The following FRK variants were observed in gnomAD, a reference collection of about 807,000 sequenced individuals.
FRK encodes the protein tyrosine-protein kinase FRK.
A neutral mutation model predicts 56.4 loss-of-function variants in FRK; 51 were observed. The ratio of observed to expected loss-of-function variants is 0.90; its 90% confidence interval spans 0.72 to 1.14. FRK has a LOEUF of 1.14. FRK is among the 50% of genes most tolerant of loss of function. The pLI, the probability that FRK is intolerant of heterozygous loss-of-function variation, is 0.00. For synonymous variants in FRK, 245 were observed against 217.9 expected, an observed-to-expected ratio of 1.12 and a Z score of -1.10; for missense variants, 570 against 601.4, an observed-to-expected ratio of 0.95 and a Z score of 0.55.
At chr6:115,951,535 T>C (rs550950715) in intron 5 of FRK, among the ~76,000 whole-genome samples, 2 of 152,318 alleles carry the variant, frequency 1.3e-5, no homozygotes, top group African/African-American at 4.8e-5. Flanking sequence ...TGTAATAAGA[T>C]CTATCTGTCA....
At chr6:115,946,257 G>A (rs753556545) in intron 5 of FRK, among the ~76,000 whole-genome samples, 6 of 152,006 alleles carry the variant, frequency 3.9e-5, no homozygotes, top group Non-Finnish European at 8.8e-5. Context: ...TGAAGCTAGA[G>A]GGCCAGACTT....
chr6:115,981,321 T>A (rs1774191892), intron 2 of FRK, among the ~76,000 whole-genome samples: 1 of 152,126 alleles, frequency 6.6e-6, no homozygotes, highest in Non-Finnish European at 1.5e-5. Context: ...GGTTTAATTT[T>A]TTTTCTTTTA....
chr6:115,986,475 A>C (rs757220425), intron 2 of FRK, among the ~76,000 whole-genome samples: 1 of 152,182 alleles, frequency 6.6e-6, no homozygotes, highest in African/African-American at 2.4e-5. Flanking sequence ...CAAAGAAAGC[A>C]CTGTGACTTC....
chr6:116,039,386 TG>T (rs1776625090), intron 1 of FRK: 2 of 1,551,236 alleles, frequency 1.3e-6, no homozygotes, highest in African/African-American at 1.4e-5. Context: ...GGCTCTGTGA[TG>T]GGGGCAACCT....
At chr6:116,002,104 T>C (rs1289391625) in intron 2 of FRK, among the ~76,000 whole-genome samples, 2 of 152,232 alleles carry the variant, frequency 1.3e-5, no homozygotes, top group Non-Finnish European at 1.5e-5. Context: ...TTCTAGATTA[T>C]TCTTCTTTAA....
chr6:115,994,970 G>C (rs973310204), intron 2 of FRK, among the ~76,000 whole-genome samples: 7 of 152,104 alleles, frequency 4.6e-5, no homozygotes, highest in African/African-American at 1.7e-4. Context: ...AAGCTGCCTG[G>C]TTTTCCACTA....
At chr6:116,046,349 C>G (rs1582753756) in intron 1 of FRK, among the ~76,000 whole-genome samples, 1 of 152,190 alleles carries the variant, frequency 6.6e-6, no homozygotes, top group Non-Finnish European at 1.5e-5. Context: ...TATTGCAGCA[C>G]TGTTCACAAC....
chr6:116,001,969 T>A (rs1217499940), intron 2 of FRK, among the ~76,000 whole-genome samples: 1 of 152,200 alleles, frequency 6.6e-6, no homozygotes, highest in Admixed American at 6.5e-5. Context: ...GTTTTCTGTG[T>A]ATGGGGGTAT....
chr6:115,952,528 T>C (rs1451959462), intron 5 of FRK, among the ~76,000 whole-genome samples: 2 of 151,878 alleles, frequency 1.3e-5, no homozygotes, highest in East Asian at 1.9e-4. Context: ...TCCTCAGGGA[T>C]CTAGAACTAG....
At chr6:115,949,269 C>CA (rs1772604676) in intron 5 of FRK, among the ~76,000 whole-genome samples, 1 of 151,718 alleles carries the variant, frequency 6.6e-6, no homozygotes, top group Admixed American at 6.6e-5. Flanking sequence ...ATTTGAATAC[C>CA]TTTATTTCTT....
chr6:116,049,547 T>C (rs988947901), intron 1 of FRK, among the ~76,000 whole-genome samples: 16 of 152,216 alleles, frequency 1.1e-4, no homozygotes, highest in African/African-American at 3.4e-4. Flanking sequence ...AAAAGTTTTA[T>C]AGCTAGCTGT....
In FRK at chr6:115,931,654, CTATGA is replaced by C; in HGVS notation, c.*10755_*10759del. The C allele has an allele frequency of 6.6e-6, 1 of 152,052 alleles. No homozygotes were observed. 9.4% of individuals were successfully genotyped at this position (152,052 alleles called of 1,614,324 possible). The stretch of plus-strand genomic sequence containing the variant: ...ATAGATTTTGAAAATTGATTAAAAG[CTATGA>C]TATATTTCTACTCTGAAATTTTGTG... On this transcript the variant is annotated 3_prime_UTR_variant, in exon 8 of 8. Coordinates refer to ENST00000606080, the MANE Select transcript of FRK (RefSeq NM_002031.3).
rs1292859929 is a variant in FRK, at chr6:115,940,733, T to A, written c.*1681A>T. 6.6e-6 allele frequency: 1 copy of A among 152,106 alleles called. No homozygotes were observed. Among genetic ancestry groups the A allele is most frequent in the South Asian group, 2.1e-4 (1 of 4,824 alleles). 9.4% of individuals were successfully genotyped at this position (152,106 alleles called of 1,614,324 possible). ...AGCCAACAGACATATGAAAAAAAGCTCATCATCTGATCATTAGAGAAATCC... is the reference window on the plus strand; with the variant it reads ...AGCCAACAGACATATGAAAAAAAGCACATCATCTGATCATTAGAGAAATCC... On this transcript the variant is annotated 3_prime_UTR_variant, in exon 8 of 8. Coordinates refer to ENST00000606080, the MANE Select transcript of FRK (RefSeq NM_002031.3).
chr6:116,040,813 A>T (rs1776681434), intron 1 of FRK, among the ~76,000 whole-genome samples: 1 of 152,140 alleles, frequency 6.6e-6, no homozygotes, highest in African/African-American at 2.4e-5. Flanking sequence ...GGTTATATGG[A>T]TGTTCATTAA....
chr6:115,968,586 G>A lies in FRK; in HGVS notation c.620C>T (p.Pro207Leu). 1 of 1,611,002 alleles carries A rather than the reference G, an allele frequency of 6.2e-7. No individual in the cohort carries two copies. The highest frequency in any genetic ancestry group is 8.5e-7 in the Non-Finnish European group (1 of 1,178,852). The change falls in exon 3 of 8, where the codon CCA becomes CTA. Residue 207 changes from proline to leucine, a missense_variant. Coordinates refer to ENST00000606080, the MANE Select transcript of FRK (RefSeq NM_002031.3). Reference sequence around the variant, plus strand: ...TGAAAGCATTTTCACCTTTAAGCATGGTTTCCCCAGCTTGACACACAGGCC... The same window carrying A: ...TGAAAGCATTTTCACCTTTAAGCATAGTTTCCCCAGCTTGACACACAGGCC... ...SDGLCVKLGK[P>L]CLKIQVPAPF...
At chr6:115,985,099 A>T (rs1376880564) in intron 2 of FRK, among the ~76,000 whole-genome samples, 4 of 152,108 alleles carry the variant, frequency 2.6e-5, no homozygotes, top group Non-Finnish European at 1.5e-5. Context: ...CTTACATGCA[A>T]ATCAATTAAT....
chr6:115,967,479 T>C (rs990715831), intron 4 of FRK, 72 bp downstream of exon 4: 23 of 1,458,060 alleles, frequency 1.6e-5, no homozygotes, highest in Non-Finnish European at 2.1e-5. Flanking sequence ...CTATGACCTC[T>C]TAGATATTTA....
At chr6:116,026,848 C>T (rs1422844900) in intron 1 of FRK, among the ~76,000 whole-genome samples, 1 of 152,126 alleles carries the variant, frequency 6.6e-6, no homozygotes, top group Non-Finnish European at 1.5e-5. Context: ...AAATCATCAG[C>T]TGAATACCAA....
chr6:116,014,171 T>C (rs750621632), intron 1 of FRK, among the ~76,000 whole-genome samples: 3 of 152,204 alleles, frequency 2.0e-5, no homozygotes, highest in Non-Finnish European at 4.4e-5. Flanking sequence ...ACTAATCATA[T>C]CATTTTCTAT....
Sources: allele counts gnomAD v4.1 joint callset (sites outside exome capture counted in the v4.1 genomes callset), GRCh38; gene constraint gnomAD v4.1.1; transcripts MANE v1.5; gene names NCBI Gene and HGNC (gene_info 2026-07-23, HGNC 2026-07-21).